OR1J2: variants seen among roughly 807,000 people sequenced by gnomAD.
The protein encoded by OR1J2 is olfactory receptor 1J2.
For synonymous variants in OR1J2, 142 were observed against 99.7 expected, an observed-to-expected ratio of 1.42 and a Z score of -2.52; for missense variants, 304 against 246.1, an observed-to-expected ratio of 1.24 and a Z score of -1.57.
At chr9:122,500,554 T>G in the OR1J2 span, among the ~76,000 whole-genome samples, 1 of 152,294 alleles carries the variant, frequency 6.6e-6, no homozygotes, top group African/African-American at 2.4e-5. Context: ...ATTTTTTAGG[T>G]AAAGGAATTT....
chr9:122,568,229 C>T, the OR1J2 span: 3 of 1,614,024 alleles, frequency 1.9e-6, no homozygotes, highest in African/African-American at 2.7e-5. Flanking sequence ...GGAAGTTCAT[C>T]AGCATCTTGG....
the OR1J2 span, among the ~76,000 whole-genome samples, chr9:122,561,545 CTGT>C: frequency 3.3e-5 from 5 of 151,992 alleles, no homozygotes; most frequent in Admixed American, 6.6e-5. Flanking sequence ...TTTGTTCATG[CTGT>C]TGTTGTTTTC....
At chr9:122,558,864 A>G in the OR1J2 span, among the ~76,000 whole-genome samples, 1 of 151,228 alleles carries the variant, frequency 6.6e-6, no homozygotes, top group Admixed American at 6.6e-5. Flanking sequence ...TCTTTGTTTC[A>G]TTCTTTCCCT....
chr9:122,463,628 GT>G, the OR1J2 span, among the ~76,000 whole-genome samples: 3 of 152,206 alleles, frequency 2.0e-5, no homozygotes, highest in Non-Finnish European at 2.9e-5. Context: ...CTCCCTTGAT[GT>G]GGTGCTCTCT....
chr9:122,477,355 T>G, the OR1J2 span: 5 of 1,614,038 alleles, frequency 3.1e-6, no homozygotes, highest in Non-Finnish European at 4.2e-6. Flanking sequence ...GAGGGAGGTG[T>G]CTGAGCAGGA....
At position 122,511,719 on chromosome 9, in the gene OR1J2, T is replaced by G; in HGVS notation, c.918T>G (p.Ser306Arg). ...AAGAGGCCCTTGGGAAACTCTTCAG[T>G]AGAGCAACATTTTTCTCTTGGTGAC... ...DMKEALGKLF[S>R]RATFFSW The change falls in exon 1 of 1, where the codon AGT becomes AGG. Residue 306 changes from serine to arginine, a missense_variant. Coordinates refer to ENST00000335302, the MANE Select transcript of OR1J2 (RefSeq NM_054107.1). 1.3e-6 allele frequency: 1 copy of G among 781,060 alleles called. No individual in the cohort carries two copies. The highest frequency in any genetic ancestry group is 2.4e-6 in the Non-Finnish European group (1 of 418,132). 48.4% of individuals were successfully genotyped at this position (781,060 alleles called of 1,614,324 possible). A position where few individuals can be genotyped will look rare whatever the true frequency, so the allele number is the denominator to read the frequency against.
upstream of OR1J2, among the ~76,000 whole-genome samples, chr9:122,509,672 G>A (rs1158987398): frequency 6.6e-6 from 1 of 152,162 alleles, no homozygotes; most frequent in East Asian, 1.9e-4. Flanking sequence ...CAAGGGTGAG[G>A]GGAAAGGGAG....
chr9:122,450,518 C>T, the OR1J2 span, among the ~76,000 whole-genome samples: 1 of 152,142 alleles, frequency 6.6e-6, no homozygotes, highest in South Asian at 2.1e-4. Flanking sequence ...GATGTTTCTA[C>T]ACACGTACAC....
chr9:122,577,078 C>G, the OR1J2 span, among the ~76,000 whole-genome samples: 265 of 152,254 alleles, frequency 1.7e-3, no homozygotes, highest in African/African-American at 5.9e-3. Context: ...ATACTTTCTA[C>G]TGCTGCTAGT....
the OR1J2 span, among the ~76,000 whole-genome samples, chr9:122,540,101 C>A: frequency 6.6e-6 from 1 of 151,984 alleles, no homozygotes; most frequent in South Asian, 2.1e-4. Context: ...TTTTGCTGTG[C>A]AGAAACTCTT....
chr9:122,565,433 A>T, the OR1J2 span, among the ~76,000 whole-genome samples: 1 of 152,172 alleles, frequency 6.6e-6, no homozygotes, highest in Admixed American at 6.5e-5. Context: ...TGGGCTCATG[A>T]ACAAAATGGC....
chr9:122,568,173 ATC>A, the OR1J2 span: 61 of 1,614,194 alleles, frequency 3.8e-5, no homozygotes, highest in Non-Finnish European at 5.2e-5. Context: ...GAGAAAATAC[ATC>A]TGTGTCAGAC....
At chr9:122,468,595 A>G in the OR1J2 span, among the ~76,000 whole-genome samples, 1 of 152,118 alleles carries the variant, frequency 6.6e-6, no homozygotes, top group African/African-American at 2.4e-5. Context: ...ACCCAAAAGC[A>G]TGGAGGTCCA....
At chr9:122,502,694 G>T in the OR1J2 span, among the ~76,000 whole-genome samples, 2 of 149,822 alleles carry the variant, frequency 1.3e-5, no homozygotes, top group South Asian at 4.2e-4. Context: ...TTTTTCTGCA[G>T]GTCTACTAAC....
At chr9:122,484,583 A>G in the OR1J2 span, among the ~76,000 whole-genome samples, 1 of 152,202 alleles carries the variant, frequency 6.6e-6, no homozygotes, top group Non-Finnish European at 1.5e-5. Context: ...TCAAATCTAA[A>G]GAGGTTCTTA....
the OR1J2 span, chr9:122,520,104 G>A: frequency 3.2e-6 from 5 of 1,560,916 alleles, no homozygotes; most frequent in Non-Finnish European, 4.4e-6. Context: ...CTTTATAACA[G>A]ACATATGTAC....
At chr9:122,454,408 C>T in the OR1J2 span, among the ~76,000 whole-genome samples, 1 of 152,074 alleles carries the variant, frequency 6.6e-6, no homozygotes, top group South Asian at 2.1e-4. Context: ...GTCCCAGCTA[C>T]TCAGGAAGCT....
At chr9:122,482,321 G>C in the OR1J2 span, among the ~76,000 whole-genome samples, 1 of 152,078 alleles carries the variant, frequency 6.6e-6, no homozygotes, top group African/African-American at 2.4e-5. Context: ...TCCATGAGCT[G>C]TGACCTCACC....
At chr9:122,513,260 T>C (rs920495630), downstream of OR1J2, among the ~76,000 whole-genome samples, 14 of 152,234 alleles carry the variant, frequency 9.2e-5, no homozygotes, top group African/African-American at 3.4e-4. Context: ...TAAGGCTAAT[T>C]ACTATGTAAG....
Sources: allele counts gnomAD v4.1 joint callset (sites outside exome capture counted in the v4.1 genomes callset), GRCh38; gene constraint gnomAD v4.1.1; transcripts MANE v1.5; gene names NCBI Gene and HGNC (gene_info 2026-07-23, HGNC 2026-07-21).